Variants in CLEC16A observed in about 807,000 individuals in gnomAD.
CLEC16A encodes the protein protein CLEC16A.
In CLEC16A, 51 loss-of-function variants were observed where a neutral mutation model predicts 109.5. The observed-to-expected ratio is 0.47, with a 90% CI of 0.37 to 0.59. CLEC16A has a LOEUF of 0.59. Among genes scored for constraint, CLEC16A ranks in the 20% least tolerant of loss-of-function variants. The pLI is 0.00. For synonymous variants in CLEC16A, 673 were observed against 564.2 expected (o/e 1.19, Z -2.73); for missense variants, 1,339 against 1,394.0 (o/e 0.96, Z 0.63).
chr16:11,138,689 T>G (rs571368073), intron 22 of CLEC16A, among the ~76,000 whole-genome samples: 8 of 152,294 alleles, frequency 5.3e-5, no homozygotes, highest in Admixed American at 5.2e-4. Context: ...TTATATTGCT[T>G]GTTTCAAAAA....
intron 8 of CLEC16A, among the ~76,000 whole-genome samples, chr16:10,978,539 T>C (rs1312961550): frequency 6.6e-6 from 1 of 152,220 alleles, no homozygotes; most frequent in Non-Finnish European, 1.5e-5. Context: ...CCCAAAGTGC[T>C]GGGATTACAG....
intron 11 of CLEC16A, among the ~76,000 whole-genome samples, chr16:11,016,355 T>C (rs761709354): frequency 0.066 from 2,730 of 41,466 alleles, 61 homozygotes; most frequent in African/African-American, 0.37. Flanking sequence ...TTTTTTTTTC[T>C]TTTTTTTTTT....
Position 11,171,006 on chromosome 16 carries a change from C to T in CLEC16A, c.2806+4454C>T, listed in dbSNP as rs571141654. On this transcript the variant is annotated intron_variant, in intron 23 of 23. Transcript: ENST00000409790. ...GCCTTTGGGTCTCACATGAGGCCAC[C>T]AGGGTCCCAAACCACATCTCCTAGA... 3.5e-4 allele frequency among the ~76,000 whole-genome samples: 54 copies of T among 152,204 alleles called. 1 individual carries two copies. The highest frequency in any genetic ancestry group is 2.5e-3 in the East Asian group (13 of 5,182).
At chr16:11,061,054 GC>G in intron 19 of CLEC16A, 32 bp downstream of exon 19, 1 of 1,579,586 alleles carries the variant, frequency 6.3e-7, no homozygotes, top group Non-Finnish European at 8.6e-7. Flanking sequence ...ACAGCAGGGG[GC>G]TGGGGGACAT....
chr16:11,110,038 C>T (rs1053032601), intron 19 of CLEC16A, among the ~76,000 whole-genome samples: 1 of 152,206 alleles, frequency 6.6e-6, no homozygotes, highest in Non-Finnish European at 1.5e-5. Context: ...TATTAAAATA[C>T]AGCAAAAGTC....
In CLEC16A at chr16:10,986,012, A is replaced by ATTTT. The variant is rs59547466; in HGVS notation, c.1071+3054_1071+3057dup. Among the ~76,000 whole-genome samples the ATTTT allele has an allele frequency of 4.1e-3, 177 of 43,448 alleles. 52 individuals are homozygous for ATTTT. Among genetic ancestry groups the ATTTT allele is most frequent in the African/African-American group, 0.019 (167 of 8,816 alleles). 28.5% of individuals were successfully genotyped at this position (43,448 alleles called of 152,430 possible). On this transcript the variant is annotated intron_variant, in intron 10 of 23. Transcript: ENST00000409790. ...TGAGACACTGCACCTGGCCTGCAGA[A>ATTTT]TTTTTTTTTTTTTTTTTTTTTTTTT... is the stretch of plus-strand genomic sequence containing the variant.
At chr16:11,072,856 G>A (rs767931856) in intron 19 of CLEC16A, among the ~76,000 whole-genome samples, 7 of 152,220 alleles carry the variant, frequency 4.6e-5, no homozygotes, top group Non-Finnish European at 8.8e-5. Flanking sequence ...GCACAGCCTC[G>A]TGACTGCTTC....
intron 12 of CLEC16A, among the ~76,000 whole-genome samples, chr16:11,022,285 C>G (rs1393821274): frequency 6.6e-6 from 1 of 151,842 alleles, no homozygotes; most frequent in Non-Finnish European, 1.5e-5. Flanking sequence ...GCCCTCTGTC[C>G]CCCCAACTTG....
Position 11,003,106 on chromosome 16 carries a change from C to A in CLEC16A, c.1104C>A (p.Pro368=). 6.2e-7 allele frequency: 1 copy of A among 1,613,442 alleles called. No homozygotes were observed. Among genetic ancestry groups the A allele is most frequent in the South Asian group, 1.1e-5 (1 of 90,950 alleles). The change falls in exon 11 of 24, where the codon CCC becomes CCA. Residue 368 remains proline (P), a synonymous_variant. Coordinates refer to ENST00000409790, the MANE Select transcript of CLEC16A (RefSeq NM_015226.3). ...AKPSIRCFIK[P]TETLERSLEM... ...CCAGCATTCGGTGCTTCATTAAACC[C>A]ACCGAGACACTCGAGCGGTCCCTTG...
chr16:11,146,408 G>A (rs1443665700), intron 22 of CLEC16A, among the ~76,000 whole-genome samples: 6 of 151,472 alleles, frequency 4.0e-5, no homozygotes, highest in Non-Finnish European at 8.8e-5. Flanking sequence ...TAAATGGATC[G>A]ATGGATGGAT....
rs778844500 is a variant in CLEC16A, at chr16:10,971,082, C to T, written c.493-43C>T. On this transcript the variant is annotated intron_variant, in intron 4 of 23. Coordinates refer to ENST00000409790, the MANE Select transcript of CLEC16A (RefSeq NM_015226.3). ...AGAGTTGGGGTGGGGCCAGGCCTGG[C>T]TTATGGGCTTATAATTTGTTTTCGT... is the stretch of plus-strand genomic sequence containing the variant. The T allele has an allele frequency of 7.6e-6, 10 of 1,315,526 alleles. No individual in the cohort carries two copies. In the South Asian group the frequency reaches 8.5e-5, roughly 11 times the overall value. 81.5% of individuals were successfully genotyped at this position (1,315,526 alleles called of 1,614,324 possible). A position where few individuals can be genotyped will look rare whatever the true frequency, so the allele number is the denominator to read the frequency against.
At chr16:10,989,380 C>G (rs1311946630) in intron 10 of CLEC16A, among the ~76,000 whole-genome samples, 1 of 152,066 alleles carries the variant, frequency 6.6e-6, no homozygotes. Context: ...GCCACCATGC[C>G]CAGATAACTT....
At chr16:10,969,458 T>A (rs2042674381) in intron 4 of CLEC16A, 149 bp downstream of exon 4, 1 of 568,110 alleles carries the variant, frequency 1.8e-6, no homozygotes, top group Admixed American at 4.0e-5. Context: ...GCAACACTTT[T>A]GACTTTGGCA....
chr16:10,956,627 G>A (rs578070514), intron 1 of CLEC16A, among the ~76,000 whole-genome samples: 4 of 152,278 alleles, frequency 2.6e-5, no homozygotes, highest in Admixed American at 2.6e-4. Context: ...ATCCAGCTAG[G>A]CTTCTGGTCC....
intron 19 of CLEC16A, among the ~76,000 whole-genome samples, chr16:11,078,612 A>G (rs896059812): frequency 1.3e-5 from 2 of 152,114 alleles, no homozygotes; most frequent in African/African-American, 2.4e-5. Flanking sequence ...GACATTTCTC[A>G]ATGAGGAGTG....
chr16:10,986,012 ATTTTTTTTTTTTTTTTTTTTTT>A (rs59547466), intron 10 of CLEC16A, among the ~76,000 whole-genome samples: 3 of 43,436 alleles, frequency 6.9e-5, no homozygotes, highest in Admixed American at 3.6e-4. Context: ...GGCCTGCAGA[ATTTTTTTTTTTTTTTTTTTTTT>A]TTTTTTTTTT....
intron 11 of CLEC16A, among the ~76,000 whole-genome samples, chr16:11,009,172 T>G (rs148634126): frequency 2.6e-4 from 39 of 152,358 alleles, no homozygotes; most frequent in African/African-American, 8.4e-4. Flanking sequence ...TTTATTCAAA[T>G]GGAATCATAC....
chr16:10,988,834 G>T (rs2043824512), intron 10 of CLEC16A, among the ~76,000 whole-genome samples: 1 of 152,138 alleles, frequency 6.6e-6, no homozygotes, highest in African/African-American at 2.4e-5. Flanking sequence ...CGTGTAAAGT[G>T]CTTACTCCAA....
intron 19 of CLEC16A, among the ~76,000 whole-genome samples, chr16:11,113,719 A>G (rs1354479533): frequency 1.3e-5 from 2 of 152,220 alleles, no homozygotes; most frequent in Non-Finnish European, 2.9e-5. Flanking sequence ...TTTTCTACTC[A>G]TCGTATGTTC....
Sources: gnomAD v4.1 joint callset for allele counts (sites outside exome capture counted in the v4.1 genomes callset) on GRCh38, gnomAD v4.1.1 for gene constraint, MANE v1.5 for transcripts, NCBI Gene and HGNC (gene_info 2026-07-23, HGNC 2026-07-21) for gene names.